Variants in CD8B observed in about 807,000 individuals in gnomAD.
CD8B encodes CD8 subunit beta, also known as T-cell surface glycoprotein CD8 beta chain.
CD8B carries 6 observed loss-of-function variants against 24.2 expected under a neutral mutation model. That is an observed-to-expected ratio of 0.25 (90% CI 0.14 to 0.49). The LOEUF (loss-of-function observed/expected upper bound fraction) is 0.49. Among genes scored for constraint, CD8B ranks in the 20% least tolerant of loss-of-function variants. The pLI, the probability that CD8B is intolerant of heterozygous loss-of-function variation, is 0.98. For missense variants in CD8B, 196 were observed against 271.3 expected, an observed-to-expected ratio of 0.72 and a Z score of 1.95; for synonymous variants, 84 against 108.3, an observed-to-expected ratio of 0.78 and a Z score of 1.39.
chr2:86,844,906 C>T lies in CD8B; in HGVS notation c.620+16G>A, dbSNP rs977285940. ...GGGCTGAGGAACCCAAGGCCACACC[C>T]AGGTTATACACTTACTGTTTCATGA... On this transcript the variant is annotated intron_variant, in intron 5 of 5. Coordinates refer to ENST00000390655, the MANE Select transcript of CD8B (RefSeq NM_004931.5). 7 of 1,557,658 alleles carry T rather than the reference C, an allele frequency of 4.5e-6. No homozygotes were observed. In the African/African-American group the frequency reaches 9.5e-5, roughly 21 times the overall value.
intron 3 of CD8B, among the ~76,000 whole-genome samples, chr2:86,849,945 C>T (rs1236012057): frequency 6.6e-6 from 1 of 152,112 alleles, no homozygotes; most frequent in Non-Finnish European, 1.5e-5. Flanking sequence ...CTCAGGTTAT[C>T]CACCAGCTTT....
downstream of CD8B, among the ~76,000 whole-genome samples, chr2:86,833,544 G>T (rs62146089): frequency 1.5e-5 from 1 of 68,476 alleles, no homozygotes; most frequent in Admixed American, 1.7e-4. Flanking sequence ...CTCCCCTCCC[G>T]TCCGCTCTCC....
chr2:86,846,938 T>C (rs1454408453), intron 3 of CD8B, among the ~76,000 whole-genome samples, 165 bp from the exon 4 acceptor site: 6 of 128,430 alleles, frequency 4.7e-5, no homozygotes, highest in Non-Finnish European at 6.5e-5. Context: ...TTTTTTTTTT[T>C]TTTTTTTTTT....
chr2:86,842,143 A>G lies in CD8B; in HGVS notation c.*164T>C, dbSNP rs1169326579. ...GATGACCCACGAACAAGTTGCTCCC[A>G]TGCACATCACACACAGAAAGGCCTT... On this transcript the variant is annotated 3_prime_UTR_variant, in exon 6 of 6. Coordinates refer to ENST00000390655, the MANE Select transcript of CD8B (RefSeq NM_004931.5). The G allele has an allele frequency of 2.0e-6, 3 of 1,475,806 alleles. No homozygotes were observed. The highest frequency in any genetic ancestry group is 2.5e-5 in the Admixed American group (1 of 40,122). 91.4% of individuals were successfully genotyped at this position (1,475,806 alleles called of 1,614,324 possible). A position where few individuals can be genotyped will look rare whatever the true frequency, so the allele number is the denominator to read the frequency against.
intron 5 of CD8B, among the ~76,000 whole-genome samples, chr2:86,827,147 G>C (rs1172072818): frequency 6.6e-6 from 1 of 151,938 alleles, no homozygotes; most frequent in African/African-American, 2.4e-5. Flanking sequence ...GCAGCAAAGA[G>C]TTCATCTTGG....
At chr2:86,826,012 C>T (rs368359228) in intron 5 of CD8B, among the ~76,000 whole-genome samples, 13 of 152,250 alleles carry the variant, frequency 8.5e-5, no homozygotes, top group African/African-American at 3.1e-4. Context: ...TGACAGCCTC[C>T]CTGAGCCTTG....
chr2:86,836,279 T>C (rs1675173888), downstream of CD8B, among the ~76,000 whole-genome samples: 1 of 152,040 alleles, frequency 6.6e-6, no homozygotes, highest in African/African-American at 2.4e-5. Context: ...TTAGGAGTGA[T>C]TTGTACAGGT....
chr2:86,818,193 A>G (rs1421617862), intron 5 of CD8B, among the ~76,000 whole-genome samples: 1 of 152,164 alleles, frequency 6.6e-6, no homozygotes, highest in Non-Finnish European at 1.5e-5. Flanking sequence ...TGGGTGACAG[A>G]GCGAGACTCC....
At chr2:86,825,519 C>T (rs988811942) in intron 5 of CD8B, among the ~76,000 whole-genome samples, 3 of 152,310 alleles carry the variant, frequency 2.0e-5, no homozygotes, top group East Asian at 1.9e-4. Context: ...GGCTGGCTTG[C>T]GGTTGCTGTG....
In CD8B at chr2:86,841,062, T is replaced by C. The variant is rs1054773756; in HGVS notation, c.*1245A>G. Among the ~76,000 whole-genome samples, 1 of 151,364 alleles carries C rather than the reference T, an allele frequency of 6.6e-6. No homozygotes were observed. Among genetic ancestry groups the C allele is most frequent in the African/African-American group, 2.4e-5 (1 of 41,136 alleles). On this transcript the variant is annotated 3_prime_UTR_variant, in exon 6 of 6. Transcript: ENST00000390655. ...CTGTTAATGCAGCCTCAGGTTGCAGTGTTTTATGGTGCAATAGCTCCTAGG... is the reference window on the plus strand; with the variant it reads ...CTGTTAATGCAGCCTCAGGTTGCAGCGTTTTATGGTGCAATAGCTCCTAGG...
chr2:86,844,350 T>C (rs1053915003), intron 5 of CD8B, among the ~76,000 whole-genome samples: 1 of 151,204 alleles, frequency 6.6e-6, no homozygotes, highest in African/African-American at 2.4e-5. Flanking sequence ...CAATGGCTGG[T>C]AGAAGAGGCT....
At chr2:86,846,927 A>AC (rs1675713639) in intron 3 of CD8B, among the ~76,000 whole-genome samples, 154 bp from the exon 4 acceptor site, 3 of 58,858 alleles carry the variant, frequency 5.1e-5, no homozygotes, top group African/African-American at 2.3e-4. Flanking sequence ...TTCCTCAAGT[A>AC]TTTTTTTTTT....
chr2:86,831,325 C>T (rs567456259), intron 5 of CD8B, among the ~76,000 whole-genome samples: 99 of 152,266 alleles, frequency 6.5e-4, no homozygotes, highest in African/African-American at 2.2e-3. Flanking sequence ...CCTCGACCTC[C>T]CGAAATGCTA....
intron 3 of CD8B, among the ~76,000 whole-genome samples, chr2:86,851,308 A>G (rs1209035753): frequency 6.6e-6 from 1 of 152,146 alleles, no homozygotes; most frequent in Non-Finnish European, 1.5e-5. Flanking sequence ...TTGGGGTGCC[A>G]TACAACTTGG....
At chr2:86,823,158 G>A (rs1000124020) in intron 5 of CD8B, among the ~76,000 whole-genome samples, 7 of 151,844 alleles carry the variant, frequency 4.6e-5, no homozygotes, top group South Asian at 2.1e-4. Flanking sequence ...CCAGGTAACC[G>A]CTATGATATT....
At chr2:86,827,621 CAA>C (rs61256363) in intron 5 of CD8B, among the ~76,000 whole-genome samples, 491 of 126,250 alleles carry the variant, frequency 3.9e-3, no homozygotes, top group African/African-American at 7.3e-3. Flanking sequence ...GACCCTATCT[CAA>C]AAAAAAAAAA....
At chr2:86,833,488 C>CTCCTCCCCTCCCCTCCG (rs1675012793), downstream of CD8B, among the ~76,000 whole-genome samples, 1 of 114,774 alleles carries the variant, frequency 8.7e-6, no homozygotes, top group Admixed American at 8.8e-5. Flanking sequence ...CCTCTCCTCT[C>CTCCTCCCCTCCCCTCCG]CTCTCCTCCC....
Position 86,853,052 on chromosome 2 carries a change from C to T in CD8B, c.438G>A (p.Lys146=), listed in dbSNP as rs1236954644. The T allele has an allele frequency of 2.6e-6, 4 of 1,544,042 alleles. No individual in the cohort carries two copies. In the East Asian group the frequency reaches 9.8e-5, roughly 38 times the overall value. ...DFLPTTAQPT[K]KSTLKKRVCR... ...ACACTCTCTTCTTGAGGGTGGACTTCTTGGTGGGCTGGGCAGTGGTGGGAA... is the reference window on the plus strand; with the variant it reads ...ACACTCTCTTCTTGAGGGTGGACTTTTTGGTGGGCTGGGCAGTGGTGGGAA... Residue 146 remains lysine, a synonymous_variant, in exon 3 of 6, where the codon AAG becomes AAA. Coordinates refer to ENST00000390655, the MANE Select transcript of CD8B (RefSeq NM_004931.5).
chr2:86,824,223 A>G lies in CD8B; in HGVS notation c.621-8505T>C, dbSNP rs150438025. On this transcript the variant is annotated intron_variant, in intron 5 of 5. Transcript: ENST00000331469. Reference sequence around the variant, plus strand: ...CACAACCTCTGCCACACTTTTACCTATGTGACCTTCTGGGCCAGGTACTGT... The same window carrying G: ...CACAACCTCTGCCACACTTTTACCTGTGTGACCTTCTGGGCCAGGTACTGT... 3.4e-4 allele frequency among the ~76,000 whole-genome samples: 52 copies of G among 152,170 alleles called. No individual in the cohort carries two copies. In the East Asian group the frequency reaches 8.5e-3, roughly 25 times the overall value.
Sources: gnomAD v4.1 joint callset for allele counts (sites outside exome capture counted in the v4.1 genomes callset) on GRCh38, gnomAD v4.1.1 for gene constraint, MANE v1.5 for transcripts, NCBI Gene and HGNC (gene_info 2026-07-23, HGNC 2026-07-21) for gene names.